Variants in TRPM3 observed in about 807,000 individuals in gnomAD.
TRPM3 encodes transient receptor potential cation channel subfamily M member 3, also known as long transient receptor potential channel 3.
Under a neutral mutation model 181.2 loss-of-function variants are expected in TRPM3, and 77 were observed. The observed-to-expected ratio is 0.42, with a 90% CI of 0.35 to 0.51. The LOEUF (loss-of-function observed/expected upper bound fraction) is 0.51, where lower values mean the gene tolerates loss of function less well. Ranked by LOEUF, TRPM3 falls within the 20% of genes least tolerant of loss-of-function variation. The probability of loss-of-function intolerance (pLI) is 0.01; values close to 1 mark genes in which losing one functional copy is unlikely to be tolerated. For synonymous variants in TRPM3, 745 were observed against 796.4 expected (o/e 0.94, Z 1.09); for missense variants, 1,759 against 2,196.7 (o/e 0.80, Z 3.98).
At chr9:70,926,066 T>G (rs954836745) in intron 1 of TRPM3, among the ~76,000 whole-genome samples, 1 of 150,852 alleles carries the variant, frequency 6.6e-6, no homozygotes, top group Non-Finnish European at 1.5e-5. Flanking sequence ...CAAACAACTA[T>G]CACTCATCCA....
chr9:70,960,618 G>A (rs1021962212), intron 1 of TRPM3, among the ~76,000 whole-genome samples: 4 of 152,176 alleles, frequency 2.6e-5, no homozygotes, highest in Non-Finnish European at 5.9e-5. Flanking sequence ...GCCTCCTCAG[G>A]TGGTTGCTTT....
chr9:70,746,267 CAGAG>C (rs61445272), intron 8 of TRPM3, among the ~76,000 whole-genome samples: 196 of 147,794 alleles, frequency 1.3e-3, no homozygotes, highest in Non-Finnish European at 1.5e-3. Context: ...AAAACAAAAA[CAGAG>C]AGAGAGAGAG....
intron 1 of TRPM3, among the ~76,000 whole-genome samples, chr9:71,254,847 T>TA (rs980630307): frequency 1.1e-4 from 17 of 151,002 alleles, no homozygotes; most frequent in African/African-American, 2.7e-4. Flanking sequence ...GAAGGTGGAA[T>TA]AAAAAAAAAT....
intron 1 of TRPM3, among the ~76,000 whole-genome samples, chr9:71,145,287 T>G (rs2064508514): frequency 6.6e-6 from 1 of 152,186 alleles, no homozygotes; most frequent in Non-Finnish European, 1.5e-5. Flanking sequence ...GTAACTTCCC[T>G]GGAGCTAATA....
chr9:71,011,565 T>C (rs1041861704), intron 1 of TRPM3, among the ~76,000 whole-genome samples: 6 of 152,098 alleles, frequency 3.9e-5, no homozygotes, highest in Admixed American at 1.3e-4. Flanking sequence ...AAGTTCTTTA[T>C]TAGGAAGATT....
intron 1 of TRPM3, among the ~76,000 whole-genome samples, chr9:71,341,017 C>G (rs1464013473): frequency 6.6e-6 from 1 of 152,112 alleles, no homozygotes; most frequent in South Asian, 2.1e-4. Context: ...AAAGTTGGAA[C>G]ATCCTGTGCA....
chr9:71,044,711 A>G (rs1438776490), intron 1 of TRPM3, among the ~76,000 whole-genome samples: 5 of 152,222 alleles, frequency 3.3e-5, no homozygotes, highest in Admixed American at 6.5e-5. Context: ...TCACTCTGTC[A>G]CCCAGGCTGG....
chr9:70,800,717 T>A (rs1321794386), intron 6 of TRPM3, among the ~76,000 whole-genome samples: 1 of 152,214 alleles, frequency 6.6e-6, no homozygotes, highest in Non-Finnish European at 1.5e-5. Flanking sequence ...TACTTTATTG[T>A]AAGAATACAG....
chr9:70,603,228 G>C, intron 20 of TRPM3, 114 bp downstream of exon 20: 6 of 1,317,478 alleles, frequency 4.6e-6, no homozygotes, highest in Non-Finnish European at 4.2e-6. Context: ...GGTAGAGTTA[G>C]AGAAAACAGT....
chr9:71,111,082 A>G (rs1376774867), intron 1 of TRPM3, among the ~76,000 whole-genome samples: 1 of 152,210 alleles, frequency 6.6e-6, no homozygotes, highest in Non-Finnish European at 1.5e-5. Flanking sequence ...GATTTAAAAA[A>G]CAACATATAT....
At chr9:71,291,220 T>C (rs2309915) in intron 1 of TRPM3, among the ~76,000 whole-genome samples, 146,644 of 152,224 alleles carry the variant, frequency 0.96, 70,795 homozygotes, top group East Asian at 1. Flanking sequence ...AATCCCCAAA[T>C]ATACCAGTTT....
intron 1 of TRPM3, among the ~76,000 whole-genome samples, chr9:71,075,762 A>C (rs148331589): frequency 4.6e-4 from 70 of 152,338 alleles, no homozygotes; most frequent in Non-Finnish European, 1.3e-4. Context: ...AATTTAGGGA[A>C]AACTGTAACT....
chr9:70,782,510 C>A (rs1222939670), intron 7 of TRPM3, among the ~76,000 whole-genome samples: 4 of 152,146 alleles, frequency 2.6e-5, no homozygotes, highest in African/African-American at 4.8e-5. Flanking sequence ...CTGTGCCTGA[C>A]CCTTGGTTAA....
chr9:70,912,464 T>TA (rs1308865690), intron 1 of TRPM3, among the ~76,000 whole-genome samples: 1 of 152,196 alleles, frequency 6.6e-6, no homozygotes, highest in African/African-American at 2.4e-5. Context: ...ATGGACTTGT[T>TA]AAAGTGAGGT....
intron 9 of TRPM3, among the ~76,000 whole-genome samples, chr9:70,662,354 T>G (rs1158491965): frequency 2.0e-5 from 3 of 152,180 alleles, no homozygotes; most frequent in Non-Finnish European, 1.5e-5. Context: ...CTTCTGGACA[T>G]TGGCTTAGGC....
chr9:71,311,691 G>C (rs879340901), intron 1 of TRPM3, among the ~76,000 whole-genome samples: 1 of 151,818 alleles, frequency 6.6e-6, no homozygotes, highest in Non-Finnish European at 1.5e-5. Flanking sequence ...AAAAAATCTA[G>C]ATCAGAGGTG....
chr9:70,768,877 G>C (rs1351845890), intron 7 of TRPM3, among the ~76,000 whole-genome samples: 1 of 152,166 alleles, frequency 6.6e-6, no homozygotes, highest in Non-Finnish European at 1.5e-5. Context: ...AATAAGGGTA[G>C]TGTATGTCTT....
intron 5 of TRPM3, among the ~76,000 whole-genome samples, chr9:70,837,425 T>C (rs917253672): frequency 2.0e-5 from 3 of 152,222 alleles, no homozygotes; most frequent in African/African-American, 7.2e-5. Flanking sequence ...AATGTGAAGA[T>C]AATTTAATAA....
intron 1 of TRPM3, among the ~76,000 whole-genome samples, chr9:71,223,430 G>A (rs557621911): frequency 6.6e-6 from 1 of 152,300 alleles, no homozygotes; most frequent in South Asian, 2.1e-4. Flanking sequence ...ATGGGCCTTC[G>A]GTGAGACTCT....
Sources: gnomAD v4.1 joint callset for allele counts (sites outside exome capture counted in the v4.1 genomes callset) on GRCh38, gnomAD v4.1.1 for gene constraint, MANE v1.5 for transcripts, NCBI Gene and HGNC (gene_info 2026-07-23, HGNC 2026-07-21) for gene names.